TMPRSS15: variants seen among roughly 807,000 people sequenced by gnomAD.
TMPRSS15 encodes transmembrane serine protease 15.
In TMPRSS15, 128 loss-of-function variants were observed where a neutral mutation model predicts 125.3. That is an observed-to-expected ratio of 1.02 (90% CI 0.89 to 1.18). The LOEUF is 1.18. Among genes scored for constraint, TMPRSS15 ranks in the 50% most tolerant of loss-of-function variants. The pLI, the probability that TMPRSS15 is intolerant of heterozygous loss-of-function variation, is 0.00. For missense variants in TMPRSS15, 1,283 were observed against 1,212.7 expected (o/e 1.06, Z -0.86); for synonymous variants, 446 against 423.2 (o/e 1.05, Z -0.66).
At chr21:18,407,121 C>T (rs1247026109), upstream of TMPRSS15, among the ~76,000 whole-genome samples, 2 of 151,842 alleles carry the variant, frequency 1.3e-5, no homozygotes, top group Non-Finnish European at 2.9e-5. Flanking sequence ...TACCCGGAAA[C>T]GATAAATAGA....
chr21:18,393,015 C>CA (rs1192036688), intron 3 of TMPRSS15, among the ~76,000 whole-genome samples: 3 of 152,140 alleles, frequency 2.0e-5, no homozygotes, highest in African/African-American at 7.2e-5. Flanking sequence ...AGAGCCATAT[C>CA]ACCCAGTAAC....
chr21:18,301,763 A>G (rs750357106), intron 18 of TMPRSS15, among the ~76,000 whole-genome samples: 5 of 152,206 alleles, frequency 3.3e-5, no homozygotes, highest in African/African-American at 7.2e-5. Context: ...TTGTTGACAT[A>G]CTAATGCCTC....
chr21:18,353,688 A>G, intron 9 of TMPRSS15, 35 bp downstream of exon 9: 1 of 1,592,764 alleles, frequency 6.3e-7, no homozygotes, highest in Non-Finnish European at 8.6e-7. Context: ...TAAAGCATCT[A>G]AAAATTAAAA....
intron 1 of TMPRSS15, among the ~76,000 whole-genome samples, chr21:18,428,942 G>T (rs1189439329): frequency 6.6e-6 from 1 of 152,098 alleles, no homozygotes; most frequent in African/African-American, 2.4e-5. Context: ...TGGAAAAGTT[G>T]CAAACCCTGA....
At chr21:18,465,205 C>G (rs1305838627) in intron 1 of TMPRSS15, among the ~76,000 whole-genome samples, 1 of 151,412 alleles carries the variant, frequency 6.6e-6, no homozygotes, top group African/African-American at 2.5e-5. Context: ...GAATAAAATT[C>G]AACACCCCTT....
intron 1 of TMPRSS15, among the ~76,000 whole-genome samples, chr21:18,414,772 G>A (rs1345689787): frequency 6.6e-6 from 1 of 152,132 alleles, no homozygotes; most frequent in South Asian, 2.1e-4. Flanking sequence ...GGACACTTAA[G>A]TTGTTTCCAT....
chr21:18,384,437 T>G (rs768668309), intron 3 of TMPRSS15, among the ~76,000 whole-genome samples: 10 of 152,162 alleles, frequency 6.6e-5, no homozygotes, highest in Non-Finnish European at 1.5e-4. Context: ...TCTCCAAACA[T>G]AGCATTAGAG....
At chr21:18,447,609 T>C (rs1234742932) in intron 1 of TMPRSS15, among the ~76,000 whole-genome samples, 5 of 152,166 alleles carry the variant, frequency 3.3e-5, no homozygotes, top group Admixed American at 6.6e-5. Flanking sequence ...AATTGAGTCA[T>C]GAAGGCAGTT....
At chr21:18,364,769 C>A (rs1422386424) in intron 7 of TMPRSS15, among the ~76,000 whole-genome samples, 1 of 152,074 alleles carries the variant, frequency 6.6e-6, no homozygotes, top group Non-Finnish European at 1.5e-5. Flanking sequence ...TGGTAAGCAG[C>A]AAAATGAGAA....
At chr21:18,453,698 C>T (rs1446395719) in intron 1 of TMPRSS15, among the ~76,000 whole-genome samples, 2 of 152,202 alleles carry the variant, frequency 1.3e-5, no homozygotes, top group African/African-American at 2.4e-5. Flanking sequence ...GATATCTGCA[C>T]TCCTATATTC....
chr21:18,317,466 G>A (rs1002973997), intron 16 of TMPRSS15, among the ~76,000 whole-genome samples: 5 of 151,770 alleles, frequency 3.3e-5, no homozygotes, highest in Non-Finnish European at 5.9e-5. Context: ...GGGGAGGGTG[G>A]TGCTATCCAG....
Position 18,329,306 on chromosome 21 carries a change from G to A in TMPRSS15, c.1655-12C>T, listed in dbSNP as rs756844691. On this transcript the variant is annotated splice_polypyrimidine_tract_variant and intron_variant, in intron 14 of 24. Coordinates refer to ENST00000284885, the MANE Select transcript of TMPRSS15 (RefSeq NM_002772.3). ...TAAAATCCAAACACCTAAAAAGTAA[G>A]AAGTAACATTTAATTTGGAACACAC... 1 of 1,605,920 alleles carries A rather than the reference G, an allele frequency of 6.2e-7. No homozygotes were observed. The highest frequency in any genetic ancestry group is 2.2e-5 in the East Asian group (1 of 44,564).
chr21:18,322,603 T>C (rs888133713), intron 16 of TMPRSS15, among the ~76,000 whole-genome samples: 1 of 152,208 alleles, frequency 6.6e-6, no homozygotes, highest in African/African-American at 2.4e-5. Flanking sequence ...GAGGACATTA[T>C]GTTAAGTGAA....
At chr21:18,458,418 TTAGG>T (rs1978483317) in intron 1 of TMPRSS15, among the ~76,000 whole-genome samples, 1 of 152,142 alleles carries the variant, frequency 6.6e-6, no homozygotes, top group Non-Finnish European at 1.5e-5. Flanking sequence ...CAGAACTGTG[TTAGG>T]TCTTTGAGGT....
At chr21:18,450,627 C>T (rs2076266142) in intron 1 of TMPRSS15, among the ~76,000 whole-genome samples, 1 of 152,076 alleles carries the variant, frequency 6.6e-6, no homozygotes, top group African/African-American at 2.4e-5. Context: ...AAATAGCTGT[C>T]AGCAAGGGAA....
At chr21:18,271,394 A>C (rs1447632183) in intron 24 of TMPRSS15, among the ~76,000 whole-genome samples, 1 of 152,176 alleles carries the variant, frequency 6.6e-6, no homozygotes, top group Non-Finnish European at 1.5e-5. Context: ...AATAGACAAG[A>C]GGATCCAGAC....
At chr21:18,416,268 G>GT (rs1451214682) in intron 1 of TMPRSS15, among the ~76,000 whole-genome samples, 2 of 151,910 alleles carry the variant, frequency 1.3e-5, no homozygotes, top group African/African-American at 4.8e-5. Flanking sequence ...TCCTAATGGT[G>GT]TTTTTTACAG....
chr21:18,478,135 G>C (rs1455743839), intron 1 of TMPRSS15, among the ~76,000 whole-genome samples: 1 of 152,018 alleles, frequency 6.6e-6, no homozygotes, highest in Non-Finnish European at 1.5e-5. Flanking sequence ...TTTTTTTCCA[G>C]AGTAAAGTCA....
At chr21:18,300,120 CT>C (rs60285619) in intron 18 of TMPRSS15, among the ~76,000 whole-genome samples, 119,298 of 151,718 alleles carry the variant, frequency 0.79, 47,055 homozygotes, top group African/African-American at 0.83. Flanking sequence ...TATAGCTCGT[CT>C]CTTGGATATA....
Sources: gnomAD v4.1 joint callset for allele counts (sites outside exome capture counted in the v4.1 genomes callset) on GRCh38, gnomAD v4.1.1 for gene constraint, MANE v1.5 for transcripts, NCBI Gene and HGNC (gene_info 2026-07-23, HGNC 2026-07-21) for gene names.